Variants in RIT2 observed in about 807,000 individuals in gnomAD.
RIT2 encodes the protein GTP-binding protein Rit2.
A neutral mutation model predicts 23.7 loss-of-function variants in RIT2; 24 were observed. The observed-to-expected ratio is 1.01, with a 90% CI of 0.73 to 1.43. The LOEUF (loss-of-function observed/expected upper bound fraction) is 1.43, where lower values mean the gene tolerates loss of function less well. Ranked by LOEUF, RIT2 falls within the 40% of genes most tolerant of loss-of-function variation. The probability of loss-of-function intolerance (pLI) is 0.00; values close to 1 mark genes in which losing one functional copy is unlikely to be tolerated. For missense variants in RIT2, 236 were observed against 266.9 expected (o/e 0.88, Z 0.81); for synonymous variants, 107 against 91.1 (o/e 1.17, Z -0.99).
chr18:42,866,148 A>C (rs957458520), intron 4 of RIT2, among the ~76,000 whole-genome samples: 2 of 152,176 alleles, frequency 1.3e-5, no homozygotes, highest in Non-Finnish European at 2.9e-5. Flanking sequence ...ATGGTTTTGA[A>C]ACAATTGACA....
chr18:42,956,558 A>G (rs1029923449), intron 3 of RIT2, among the ~76,000 whole-genome samples: 2 of 152,136 alleles, frequency 1.3e-5, no homozygotes, highest in Non-Finnish European at 2.9e-5. Context: ...TCACAGATTG[A>G]TCTTATTAAG....
intron 3 of RIT2, among the ~76,000 whole-genome samples, chr18:42,924,753 A>T (rs1021853986): frequency 3.9e-5 from 6 of 152,012 alleles, no homozygotes; most frequent in African/African-American, 1.4e-4. Context: ...GGACTTCTTT[A>T]CCTAGCAAAG....
rs191554300 is a variant in RIT2 at position 42,955,085 on chromosome 18, C to T, written c.234+18989G>A. 2.0e-5 allele frequency among the ~76,000 whole-genome samples: 3 copies of T among 152,198 alleles called. No individual in the cohort carries two copies. The East Asian group carries it at 5.8e-4, about 29-fold the overall frequency. ...GAACACATGAGGTCATTTTATAATA[C>T]ATTTCTGAGGAAGTCAGATAAGCAG... is the stretch of plus-strand genomic sequence containing the variant. On this transcript the variant is annotated intron_variant, in intron 3 of 4. Coordinates refer to ENST00000326695, the MANE Select transcript of RIT2 (RefSeq NM_002930.4).
chr18:42,854,113 G>A (rs889166864), intron 4 of RIT2, among the ~76,000 whole-genome samples: 3 of 152,062 alleles, frequency 2.0e-5, no homozygotes, highest in African/African-American at 7.2e-5. Context: ...CTATAAATAT[G>A]ATGTAAACTC....
chr18:42,923,980 T>A (rs1187774098), intron 3 of RIT2, among the ~76,000 whole-genome samples: 3 of 151,836 alleles, frequency 2.0e-5, no homozygotes, highest in Middle Eastern at 3.2e-3. Context: ...GATTTTTTTT[T>A]AATTTGTAAT....
chr18:42,961,626 T>C (rs1381522864), intron 3 of RIT2, among the ~76,000 whole-genome samples: 1 of 152,218 alleles, frequency 6.6e-6, no homozygotes, highest in African/African-American at 2.4e-5. Context: ...AATAATCACA[T>C]TGATCCATTG....
At chr18:43,001,514 A>T (rs750251301) in intron 2 of RIT2, among the ~76,000 whole-genome samples, 1 of 152,046 alleles carries the variant, frequency 6.6e-6, no homozygotes, top group East Asian at 1.9e-4. Context: ...TGGTAAAAAC[A>T]GTTCAAACAT....
chr18:42,831,547 G>T lies in RIT2; in HGVS notation c.427-87827C>A, dbSNP rs145035482. Among the ~76,000 whole-genome samples the T allele has an allele frequency of 2.0e-3, 299 of 152,242 alleles. 2 individuals are homozygous for T. The highest frequency in any genetic ancestry group is 7.0e-3 in the African/African-American group (290 of 41,534). On this transcript the variant is annotated intron_variant, in intron 4 of 4. Transcript: ENST00000326695. ...ATCAAAACACAGATAGGGGTGTAGTGTGTGTGGGGTTGGACACGGGGCTTG... is the reference window on the plus strand; with the variant it reads ...ATCAAAACACAGATAGGGGTGTAGTTTGTGTGGGGTTGGACACGGGGCTTG...
rs920180247 is a variant in RIT2 at position 42,998,510 on chromosome 18, G to C, written c.161-24363C>G. On this transcript the variant is annotated intron_variant, in intron 2 of 4. Transcript: ENST00000326695. ...GACCAAGACTAAGCATTTGGTCTTA[G>C]ATAACAAGCTGAATCTGATTTTCTG... Among the ~76,000 whole-genome samples the C allele has an allele frequency of 1.6e-4, 25 of 152,064 alleles. 1 individual carries two copies. Among genetic ancestry groups the C allele is most frequent in the Admixed American group, 3.9e-4 (6 of 15,256 alleles).
intron 1 of RIT2, among the ~76,000 whole-genome samples, chr18:43,062,234 T>G (rs1410744352): frequency 6.6e-6 from 1 of 152,106 alleles, no homozygotes; most frequent in Non-Finnish European, 1.5e-5. Context: ...ATAGGGTATT[T>G]TGCTGTGTGA....
At chr18:43,013,558 C>T (rs995907116) in intron 2 of RIT2, among the ~76,000 whole-genome samples, 3 of 151,604 alleles carry the variant, frequency 2.0e-5, no homozygotes, top group Non-Finnish European at 4.4e-5. Flanking sequence ...CATTTGGGGC[C>T]GAGATTACAG....
chr18:42,989,396 A>G (rs1910787805), intron 2 of RIT2, among the ~76,000 whole-genome samples: 3 of 152,204 alleles, frequency 2.0e-5, no homozygotes, highest in Non-Finnish European at 4.4e-5. Context: ...CAACAGAAAT[A>G]CAATATGAGC....
At chr18:42,869,374 G>T (rs1426521129) in intron 4 of RIT2, among the ~76,000 whole-genome samples, 1 of 152,232 alleles carries the variant, frequency 6.6e-6, no homozygotes, top group Non-Finnish European at 1.5e-5. Flanking sequence ...ATCTCCTGCA[G>T]CCCGGTTCCA....
intron 4 of RIT2, among the ~76,000 whole-genome samples, chr18:42,886,629 G>A (rs1370452968): frequency 1.3e-5 from 2 of 152,216 alleles, no homozygotes; most frequent in East Asian, 1.9e-4. Context: ...TTTGACATCT[G>A]TATGGTATGT....
chr18:42,827,018 T>TCATA (rs1555640470), intron 4 of RIT2, among the ~76,000 whole-genome samples: 1 of 152,142 alleles, frequency 6.6e-6, no homozygotes, highest in Non-Finnish European at 1.5e-5. Flanking sequence ...TTCTCTAAAT[T>TCATA]CATATGGAAA....
intron 1 of RIT2, among the ~76,000 whole-genome samples, chr18:43,039,924 A>G (rs1482447668): frequency 6.6e-6 from 1 of 152,168 alleles, no homozygotes; most frequent in Non-Finnish European, 1.5e-5. Flanking sequence ...TCAAATATGA[A>G]CTAAACACAA....
intron 4 of RIT2, among the ~76,000 whole-genome samples, chr18:42,921,861 C>T (rs1418014620): frequency 6.6e-6 from 1 of 152,092 alleles, no homozygotes; most frequent in Non-Finnish European, 1.5e-5. Flanking sequence ...AAAGCACTAG[C>T]ACTCTTCAGA....
At chr18:42,867,059 T>C (rs1342556164) in intron 4 of RIT2, among the ~76,000 whole-genome samples, 2 of 152,194 alleles carry the variant, frequency 1.3e-5, no homozygotes, top group Non-Finnish European at 2.9e-5. Flanking sequence ...GAACTATTCT[T>C]TACTGTTCCT....
chr18:43,094,869 G>C (rs1305964903), intron 1 of RIT2, among the ~76,000 whole-genome samples: 2 of 150,832 alleles, frequency 1.3e-5, no homozygotes, highest in African/African-American at 4.9e-5. Flanking sequence ...CTTCATCCAT[G>C]TCCCTGCAAA....
Sources: gnomAD v4.1 joint callset for allele counts (sites outside exome capture counted in the v4.1 genomes callset) on GRCh38, gnomAD v4.1.1 for gene constraint, MANE v1.5 for transcripts, NCBI Gene and HGNC (gene_info 2026-07-23, HGNC 2026-07-21) for gene names.